The following EEF1AKMT2 variants were observed in gnomAD, a reference collection of about 807,000 sequenced individuals.
EEF1AKMT2 encodes the protein EEF1A lysine methyltransferase 2.
In EEF1AKMT2, 32 loss-of-function variants were observed where a neutral mutation model predicts 35.8. The ratio of observed to expected loss-of-function variants is 0.89; its 90% CI spans 0.67 to 1.20. The LOEUF (loss-of-function observed/expected upper bound fraction) is 1.20. Ranked by LOEUF, EEF1AKMT2 falls within the 50% of genes most tolerant of loss-of-function variation. The pLI is 0.00. For synonymous variants in EEF1AKMT2, 121 were observed against 133.7 expected, an observed-to-expected ratio of 0.91 and a Z score of 0.65; for missense variants, 330 against 347.5, an observed-to-expected ratio of 0.95 and a Z score of 0.40.
At chr10:124,769,946 CAAA>C (rs71484588) in intron 4 of EEF1AKMT2, among the ~76,000 whole-genome samples, 1 of 60,214 alleles carries the variant, frequency 1.7e-5, no homozygotes, top group Non-Finnish European at 2.8e-5. Flanking sequence ...AACTCCATCT[CAAA>C]AAAAAAAAAA....
Position 124,784,932 on chromosome 10 carries a change from A to T in EEF1AKMT2, c.291+4111T>A, listed in dbSNP as rs1250889842. 1.6e-4 allele frequency among the ~76,000 whole-genome samples: 6 copies of T among 37,132 alleles called. No individual in the cohort carries two copies. In the Admixed American group the frequency reaches 2.3e-3, roughly 15 times the overall value. 24.4% of individuals were successfully genotyped at this position (37,132 alleles called of 152,430 possible). ...GAAGACAGAGCAAGATTCCATCTTA[A>T]AAAAAAAAAAAAAAAGGTCTAAATG... On this transcript the variant is annotated intron_variant, in intron 3 of 6. Coordinates refer to ENST00000368836, the MANE Select transcript of EEF1AKMT2 (RefSeq NM_212554.4).
chr10:124,771,516 G>A (rs753124971), intron 4 of EEF1AKMT2, among the ~76,000 whole-genome samples: 2 of 152,090 alleles, frequency 1.3e-5, no homozygotes, highest in Admixed American at 1.3e-4. Context: ...CTGTAAAGTC[G>A]AAATTACTCC....
At chr10:124,774,067 T>C (rs1158469653) in intron 4 of EEF1AKMT2, among the ~76,000 whole-genome samples, 1 of 152,092 alleles carries the variant, frequency 6.6e-6, no homozygotes, top group Non-Finnish European at 1.5e-5. Context: ...ACTTGATGCA[T>C]TTAAAACCTT....
In EEF1AKMT2 at chr10:124,765,320, A is replaced by G; in HGVS notation, c.616+72T>C. The G allele has an allele frequency of 3.2e-6, 4 of 1,268,092 alleles. No individual in the cohort carries two copies. In the Admixed American group the frequency reaches 7.7e-5, roughly 24 times the overall value. 78.6% of individuals were successfully genotyped at this position (1,268,092 alleles called of 1,614,324 possible). On this transcript the variant is annotated intron_variant, in intron 5 of 6. Transcript: ENST00000368836. ...GAAAAGTAAAACACTATAACACAAA[A>G]CGGGGAGAAAACCTATTTAAGTACA...
intron 6 of EEF1AKMT2, among the ~76,000 whole-genome samples, chr10:124,761,731 C>T (rs1950332719): frequency 1.3e-5 from 2 of 152,112 alleles, no homozygotes; most frequent in Admixed American, 6.6e-5. Context: ...CAAGACCAGC[C>T]GGGGCAACAT....
intron 2 of EEF1AKMT2, among the ~76,000 whole-genome samples, chr10:124,789,468 A>T (rs920071842): frequency 1.3e-5 from 2 of 152,194 alleles, no homozygotes; most frequent in Non-Finnish European, 2.9e-5. Flanking sequence ...CATCAAACGT[A>T]AATGTGAGAT....
rs1950304082 is a variant in EEF1AKMT2 at position 124,758,473 on chromosome 10, C to T, written c.*2030G>A. Reference sequence around the variant, plus strand: ...AGTAATAAGAAGAGATGACAACTTCCTTTTCCTAACCTTATCAAAAGCTCT... The same window carrying T: ...AGTAATAAGAAGAGATGACAACTTCTTTTTCCTAACCTTATCAAAAGCTCT... On this transcript the variant is annotated 3_prime_UTR_variant, in exon 7 of 7. Coordinates refer to ENST00000368836, the MANE Select transcript of EEF1AKMT2 (RefSeq NM_212554.4). The T allele has an allele frequency of 6.6e-6, 1 of 150,872 alleles. No homozygotes were observed. Among genetic ancestry groups the T allele is most frequent in the African/African-American group, 2.4e-5 (1 of 41,034 alleles). 9.3% of individuals were successfully genotyped at this position (150,872 alleles called of 1,614,324 possible). A position where few individuals can be genotyped will look rare whatever the true frequency, so the allele number is the denominator to read the frequency against.
chr10:124,771,439 C>T (rs1358921434), intron 4 of EEF1AKMT2, among the ~76,000 whole-genome samples: 6 of 152,106 alleles, frequency 3.9e-5, no homozygotes, highest in African/African-American at 1.4e-4. Context: ...CCAGATGCAT[C>T]AGACGAATCA....
In EEF1AKMT2 at chr10:124,765,409, AGC is replaced by A. The variant is rs1950370298; in HGVS notation, c.597_598del (p.Leu199PhefsTer3). 6.2e-7 allele frequency: 1 copy of A among 1,613,886 alleles called. No individual in the cohort carries two copies. Among genetic ancestry groups the A allele is most frequent in the Non-Finnish European group, 8.5e-7 (1 of 1,179,860 alleles). ...TCACTTACCTTCACTGAATTCATTT[AGC>A]AACTCTTCCTTGGTCCAATTACATG... On this transcript the variant is annotated frameshift_variant, in exon 5 of 7. Coordinates refer to ENST00000368836, the MANE Select transcript of EEF1AKMT2 (RefSeq NM_212554.4). LOFTEE classifies it high-confidence loss of function.
chr10:124,788,684 C>T (rs1057138492), intron 3 of EEF1AKMT2, among the ~76,000 whole-genome samples: 1 of 92,714 alleles, frequency 1.1e-5, no homozygotes, highest in African/African-American at 3.6e-5. Context: ...ATACGTATGT[C>T]CTACTGGAAT....
chr10:124,771,687 G>A (rs1589783846), intron 4 of EEF1AKMT2, among the ~76,000 whole-genome samples: 1 of 151,788 alleles, frequency 6.6e-6, no homozygotes, highest in East Asian at 2.0e-4. Flanking sequence ...GGCTAACACG[G>A]TGAAACCCCA....
intron 2 of EEF1AKMT2, among the ~76,000 whole-genome samples, 200 bp from the exon 3 acceptor site, chr10:124,789,357 T>C (rs1226322065): frequency 2.0e-5 from 3 of 152,218 alleles, no homozygotes; most frequent in African/African-American, 7.2e-5. Context: ...CAGTATGTTA[T>C]TTACTAACAT....
Position 124,762,416 on chromosome 10 carries a change from C to T in EEF1AKMT2, c.759G>A (p.Glu253=). ...HAWIIFVFLA[E]TRFCHVVQAG... ...CCTGGACAACATGGCAAAACCTCGT[C>T]TCTGCTAAAAATACAAAAATTATCC... Residue 253 remains glutamate (E), a synonymous_variant, in exon 6 of 7, where the codon GAG becomes GAA. Transcript: ENST00000368836. 7.7e-7 allele frequency: 1 copy of T among 1,298,896 alleles called. No individual in the cohort carries two copies. The highest frequency in any genetic ancestry group is 1.0e-6 in the Non-Finnish European group (1 of 984,396). The allele number at this position is 1,298,896 out of a possible 1,614,324, so 80.5% of individuals were successfully genotyped here.
intron 4 of EEF1AKMT2, among the ~76,000 whole-genome samples, chr10:124,769,946 C>CAAAAAAAA (rs71484588): frequency 3.3e-5 from 2 of 60,210 alleles, no homozygotes; most frequent in African/African-American, 7.2e-5. Context: ...AACTCCATCT[C>CAAAAAAAA]AAAAAAAAAA....
intron 4 of EEF1AKMT2, among the ~76,000 whole-genome samples, chr10:124,770,416 C>T (rs1950421114): frequency 6.6e-6 from 1 of 151,978 alleles, no homozygotes; most frequent in Admixed American, 6.6e-5. Context: ...AGACTCCATC[C>T]CCCACAAAAA....
chr10:124,779,040 C>T (rs1467746634), intron 3 of EEF1AKMT2, among the ~76,000 whole-genome samples: 3 of 151,888 alleles, frequency 2.0e-5, no homozygotes, highest in East Asian at 3.9e-4. Context: ...AAATATTCTA[C>T]GCCACATATG....
chr10:124,788,386 T>C (rs1376783653), intron 3 of EEF1AKMT2, among the ~76,000 whole-genome samples: 1 of 152,128 alleles, frequency 6.6e-6, no homozygotes, highest in East Asian at 1.9e-4. Flanking sequence ...ATGTAAACAA[T>C]TCAAGCACAA....
At chr10:124,791,638 G>A (rs1169735529) in intron 1 of EEF1AKMT2, 86 bp downstream of exon 1, 5 of 1,523,698 alleles carry the variant, frequency 3.3e-6, no homozygotes, top group Admixed American at 2.0e-5. Flanking sequence ...CTGTCCCTGA[G>A]CCCCGGGTCT....
rs574007796 is a variant in EEF1AKMT2 at position 124,765,532 on chromosome 10, A to G, written c.476T>C (p.Ile159Thr). Residue 159 changes from isoleucine to threonine, a missense_variant, in exon 5 of 7, where the codon ATA becomes ACA. Ile to Thr is a moderately conservative substitution (Grantham distance 89, BLOSUM62 -1). Transcript: ENST00000368836. ...AATTGCATTGTCAGGATTAAGGCTT[A>G]TGGCATCAAAAGTCCCTTTGTCAAT... ...ICIDKGTFDA[I>T]SLNPDNAIEK... 1.2e-6 allele frequency: 2 copies of G among 1,613,942 alleles called. No individual in the cohort carries two copies. The highest frequency in any genetic ancestry group is 2.7e-5 in the African/African-American group (2 of 75,044).
Sources: allele counts gnomAD v4.1 joint callset (sites outside exome capture counted in the v4.1 genomes callset), GRCh38; gene constraint gnomAD v4.1.1; transcripts MANE v1.5; gene names NCBI Gene and HGNC (gene_info 2026-07-23, HGNC 2026-07-21).